RAB4A: variants seen among roughly 807,000 people sequenced by gnomAD.
The protein encoded by RAB4A is ras-related protein Rab-4A.
Under a neutral mutation model 34.5 loss-of-function variants are expected in RAB4A, and 20 were observed. The observed-to-expected ratio is 0.58, with a 90% CI of 0.41 to 0.84. RAB4A has a LOEUF of 0.84. RAB4A is among the 40% of genes least tolerant of loss of function. The pLI, the probability that RAB4A is intolerant of heterozygous loss-of-function variation, is 0.00. For synonymous variants in RAB4A, 102 were observed against 100.0 expected (o/e 1.02, Z -0.12); for missense variants, 228 against 274.5 (o/e 0.83, Z 1.20).
chr1:229,302,292 TATATATATATA>T (rs1657421451), intron 6 of RAB4A, among the ~76,000 whole-genome samples: 2 of 24,990 alleles, frequency 8.0e-5, no homozygotes, highest in African/African-American at 4.2e-4. Context: ...TATATATATA[TATATATATATA>T]TATATATTTT....
intron 1 of RAB4A, among the ~76,000 whole-genome samples, chr1:229,280,242 A>G (rs1405433271): frequency 6.6e-6 from 1 of 152,150 alleles, no homozygotes; most frequent in Non-Finnish European, 1.5e-5. Context: ...AACATTGAAC[A>G]CTCTGAGAGA....
chr1:229,295,609 C>T (rs976892594), intron 3 of RAB4A, among the ~76,000 whole-genome samples: 1 of 152,176 alleles, frequency 6.6e-6, no homozygotes, highest in Non-Finnish European at 1.5e-5. Context: ...TCAAAGGAGA[C>T]ATCCATCAGA....
At chr1:229,275,962 G>C (rs237749) in intron 1 of RAB4A, among the ~76,000 whole-genome samples, 1 of 150,590 alleles carries the variant, frequency 6.6e-6, no homozygotes, top group Non-Finnish European at 1.5e-5. Flanking sequence ...TTCCAATAAA[G>C]TATGAAATAA....
chr1:229,297,399 C>T (rs745841714), intron 4 of RAB4A, 83 bp from the exon 5 acceptor site: 54 of 1,367,182 alleles, frequency 3.9e-5, no homozygotes, highest in Non-Finnish European at 4.8e-5. Flanking sequence ...TGTTGAAAAG[C>T]GGTATGAGTA....
At chr1:229,302,297 A>T (rs1391343421) in intron 6 of RAB4A, among the ~76,000 whole-genome samples, 2,175 of 28,306 alleles carry the variant, frequency 0.077, 208 homozygotes, top group African/African-American at 0.2. Flanking sequence ...ATATATATAT[A>T]TATATATATA....
chr1:229,276,500 T>G (rs1019197681), intron 1 of RAB4A, among the ~76,000 whole-genome samples: 2 of 151,472 alleles, frequency 1.3e-5, no homozygotes, highest in Non-Finnish European at 2.9e-5. Flanking sequence ...ACTACAGATC[T>G]TTTTTTCAGC....
Position 229,305,381 on chromosome 1 carries a change from A to G in RAB4A, c.*1588A>G. On this transcript the variant is annotated 3_prime_UTR_variant, in exon 8 of 8. Transcript: ENST00000366690. ...CTATTCTAACACATCAGCTTATTCA[A>G]AAGCAAGAATTTTAAAAATAAGATA... is the stretch of plus-strand genomic sequence containing the variant. The G allele has an allele frequency of 8.4e-7, 1 of 1,188,354 alleles. No homozygotes were observed. The highest frequency in any genetic ancestry group is 1.1e-6 in the Non-Finnish European group (1 of 874,582). 73.6% of individuals were successfully genotyped at this position (1,188,354 alleles called of 1,614,324 possible). A position where few individuals can be genotyped will look rare whatever the true frequency, so the allele number is the denominator to read the frequency against.
Position 229,304,535 on chromosome 1 carries a change from C to T in RAB4A, c.*742C>T, listed in dbSNP as rs113063927. On this transcript the variant is annotated 3_prime_UTR_variant, in exon 8 of 8. Transcript: ENST00000366690. ...CACTAAGGATTCTGGTACCTTTACC[C>T]AAACCTACTGGGCTACTAATACTTC... is the stretch of plus-strand genomic sequence containing the variant. The T allele has an allele frequency of 6.6e-6, 1 of 152,188 alleles. No individual in the cohort carries two copies. Among genetic ancestry groups the T allele is most frequent in the Non-Finnish European group, 1.5e-5 (1 of 68,052 alleles). 9.4% of individuals were successfully genotyped at this position (152,188 alleles called of 1,614,324 possible). A position where few individuals can be genotyped will look rare whatever the true frequency, so the allele number is the denominator to read the frequency against.
intron 4 of RAB4A, 32 bp downstream of exon 4, chr1:229,295,942 G>T (rs1240807074): frequency 1.2e-6 from 2 of 1,609,278 alleles, no homozygotes; most frequent in Admixed American, 3.3e-5. Flanking sequence ...GAAGGAGGGT[G>T]CTCAGTGCCC....
At chr1:229,301,813 T>G (rs1025821054) in intron 6 of RAB4A, among the ~76,000 whole-genome samples, 1 of 152,160 alleles carries the variant, frequency 6.6e-6, no homozygotes, top group Non-Finnish European at 1.5e-5. Flanking sequence ...CTTACTATTG[T>G]ATAACCTACA....
At chr1:229,277,891 G>A (rs1032124411) in intron 1 of RAB4A, among the ~76,000 whole-genome samples, 2 of 151,224 alleles carry the variant, frequency 1.3e-5, no homozygotes, top group Non-Finnish European at 2.9e-5. Context: ...CTGAGACAGA[G>A]TCTCACTCTG....
chr1:229,292,875 A>G (rs1029558447), intron 3 of RAB4A, among the ~76,000 whole-genome samples: 1 of 151,552 alleles, frequency 6.6e-6, no homozygotes, highest in African/African-American at 2.4e-5. Flanking sequence ...ACTTCAATTC[A>G]CTTTTGACAC....
At chr1:229,286,955 G>A (rs237766) in intron 2 of RAB4A, among the ~76,000 whole-genome samples, 98,859 of 151,994 alleles carry the variant, frequency 0.65, 32,385 homozygotes, top group African/African-American at 0.71. Context: ...GGCAGTTGCT[G>A]TCATCAATTC....
At chr1:229,288,511 G>A (rs1656982608) in intron 2 of RAB4A, among the ~76,000 whole-genome samples, 2 of 152,146 alleles carry the variant, frequency 1.3e-5, no homozygotes, top group South Asian at 4.1e-4. Context: ...TTGTTTGGGG[G>A]TTTTGAGAAA....
At position 229,305,470 on chromosome 1, in the gene RAB4A, A is replaced by G. The variant is rs1260999117; in HGVS notation, c.*1677A>G. On this transcript the variant is annotated 3_prime_UTR_variant, in exon 8 of 8. Transcript: ENST00000366690. ...CCACAGACACCATATATCCTTCTGC[A>G]TCCTTTGGCCAATAAAAGTTGCTGG... 1 of 541,080 alleles carries G rather than the reference A, an allele frequency of 1.8e-6. No individual in the cohort carries two copies. The highest frequency in any genetic ancestry group is 3.1e-6 in the Non-Finnish European group (1 of 327,318). The allele number at this position is 541,080 out of a possible 1,614,324, so 33.5% of individuals were successfully genotyped here.
At chr1:229,282,488 TAAG>T (rs1010479222) in intron 1 of RAB4A, among the ~76,000 whole-genome samples, 7 of 152,242 alleles carry the variant, frequency 4.6e-5, no homozygotes, top group African/African-American at 1.4e-4. Flanking sequence ...TCACCAAATT[TAAG>T]TTTTCAGTGC....
chr1:229,271,310 G>C lies in RAB4A; in HGVS notation c.-30G>C. 4.5e-6 allele frequency: 6 copies of C among 1,329,888 alleles called. No individual in the cohort carries two copies. 82.4% of individuals were successfully genotyped at this position (1,329,888 alleles called of 1,614,324 possible). On this transcript the variant is annotated 5_prime_UTR_variant, in exon 1 of 8. Transcript: ENST00000366690. The stretch of plus-strand genomic sequence containing the variant: ...CGGACCGCGGGCGAGTGCAGCCGGT[G>C]ACCCGGCGAGAGGCGGCGCCGCTCC...
chr1:229,282,446 T>C (rs1008660127), intron 1 of RAB4A, among the ~76,000 whole-genome samples: 9 of 152,244 alleles, frequency 5.9e-5, no homozygotes, highest in African/African-American at 1.9e-4. Context: ...TTTGAGTTCA[T>C]TCAGCTTTTC....
intron 1 of RAB4A, among the ~76,000 whole-genome samples, chr1:229,277,083 TA>T (rs1243692297): frequency 7.5e-5 from 11 of 147,210 alleles, no homozygotes; most frequent in Non-Finnish European, 1.5e-4. Flanking sequence ...TATTTATATT[TA>T]TATAAATTAT....
Sources: allele counts gnomAD v4.1 joint callset (sites outside exome capture counted in the v4.1 genomes callset), GRCh38; gene constraint gnomAD v4.1.1; transcripts MANE v1.5; gene names NCBI Gene and HGNC (gene_info 2026-07-23, HGNC 2026-07-21).